The following TTLL5 variants were observed in gnomAD, a reference collection of about 807,000 sequenced individuals.
TTLL5 encodes tubulin polyglutamylase TTLL5.
A neutral mutation model predicts 168.4 loss-of-function variants in TTLL5; 132 were observed. That is an observed-to-expected ratio of 0.78 (90% CI 0.68 to 0.91). TTLL5 has a LOEUF of 0.91. Among genes scored for constraint, TTLL5 ranks in the 40% least tolerant of loss-of-function variants. TTLL5 has a pLI of 0.00. For synonymous variants in TTLL5, 546 were observed against 558.6 expected, an observed-to-expected ratio of 0.98 and a Z score of 0.32; for missense variants, 1,545 against 1,581.5, an observed-to-expected ratio of 0.98 and a Z score of 0.39.
chr14:75,931,663 G>A (rs1355306646), intron 31 of TTLL5, among the ~76,000 whole-genome samples: 1 of 152,068 alleles, frequency 6.6e-6, no homozygotes, highest in Non-Finnish European at 1.5e-5. Flanking sequence ...TGCAAACTCT[G>A]TAAGTGGATT....
intron 9 of TTLL5, among the ~76,000 whole-genome samples, chr14:75,713,019 A>G (rs1594911128): frequency 6.6e-6 from 1 of 152,318 alleles, no homozygotes; most frequent in East Asian, 1.9e-4. Context: ...GTTAGCTTAA[A>G]GGTCAAAGCC....
chr14:75,917,586 C>T (rs901923432), intron 31 of TTLL5, among the ~76,000 whole-genome samples: 1 of 152,210 alleles, frequency 6.6e-6, no homozygotes, highest in Non-Finnish European at 1.5e-5. Context: ...GTCTCTTTAT[C>T]CAGCCATTTA....
At chr14:75,772,556 C>T (rs149657683) in intron 21 of TTLL5, among the ~76,000 whole-genome samples, 115 of 152,184 alleles carry the variant, frequency 7.6e-4, no homozygotes, top group South Asian at 2.5e-3. Context: ...TTTGAACATT[C>T]CTGGGATTCA....
intron 31 of TTLL5, among the ~76,000 whole-genome samples, chr14:75,905,352 TTC>T (rs1220152054): frequency 1.3e-5 from 2 of 152,240 alleles, no homozygotes; most frequent in African/African-American, 2.4e-5. Flanking sequence ...TGTGTGACTG[TTC>T]TCTCGCAGTC....
chr14:75,844,965 A>G (rs1198336733), intron 28 of TTLL5, among the ~76,000 whole-genome samples: 3 of 152,184 alleles, frequency 2.0e-5, no homozygotes, highest in Non-Finnish European at 2.9e-5. Context: ...CACTCCTGCC[A>G]TTTAGCCACA....
intron 27 of TTLL5, among the ~76,000 whole-genome samples, chr14:75,809,892 G>T (rs1893890753): frequency 6.6e-6 from 1 of 151,992 alleles, no homozygotes; most frequent in Non-Finnish European, 1.5e-5. Flanking sequence ...GCAAATGACA[G>T]GATTTCATTC....
intron 27 of TTLL5, among the ~76,000 whole-genome samples, chr14:75,793,453 A>G (rs1390963936): frequency 2.0e-5 from 3 of 152,154 alleles, no homozygotes; most frequent in Non-Finnish European, 2.9e-5. Flanking sequence ...AAATCTTTTT[A>G]CCAGAATTTT....
intron 12 of TTLL5, among the ~76,000 whole-genome samples, chr14:75,722,230 A>T (rs1042080366): frequency 1.3e-5 from 2 of 150,542 alleles, no homozygotes; most frequent in Non-Finnish European, 3.0e-5. Context: ...AGTTCTCCAC[A>T]TTGCCTCCTC....
chr14:75,896,608 T>C (rs2032673441), intron 30 of TTLL5, among the ~76,000 whole-genome samples: 1 of 152,204 alleles, frequency 6.6e-6, no homozygotes, highest in African/African-American at 2.4e-5. Flanking sequence ...TACCCCTGTG[T>C]TGGGGATGTG....
chr14:75,743,108 G>A (rs577032980), intron 15 of TTLL5, among the ~76,000 whole-genome samples: 2 of 152,312 alleles, frequency 1.3e-5, no homozygotes, highest in African/African-American at 2.4e-5. Flanking sequence ...ACAGTGTATT[G>A]TTCTGGATGT....
In TTLL5 at chr14:75,882,725, G is replaced by C; in HGVS notation, c.3563G>C (p.Trp1188Ser). 1 of 1,613,330 alleles carries C rather than the reference G, an allele frequency of 6.2e-7. No individual in the cohort carries two copies. Among genetic ancestry groups the C allele is most frequent in the Non-Finnish European group, 8.5e-7 (1 of 1,179,792 alleles). Reference protein sequence around the residue: ...GSQTLPNSNLWTMNNGAGCRI... With the variant: ...GSQTLPNSNLSTMNNGAGCRI... ...CAGACACTACCTAACTCCAATTTAT[G>C]GACAATGAATAATGGTGCAGGTTGT... is the stretch of plus-strand genomic sequence containing the variant. The change falls in exon 30 of 32, where the codon TGG becomes TCG. Residue 1188 changes from tryptophan (W) to serine (S), a missense_variant. By Grantham distance (177) the Trp-to-Ser change is radical. Coordinates refer to ENST00000298832, the MANE Select transcript of TTLL5 (RefSeq NM_015072.5).
At chr14:75,876,578 G>T (rs915087689) in intron 29 of TTLL5, among the ~76,000 whole-genome samples, 4 of 152,212 alleles carry the variant, frequency 2.6e-5, no homozygotes, top group Non-Finnish European at 5.9e-5. Context: ...AGGTATTTGT[G>T]TGCTTGGTCT....
At chr14:75,880,705 A>G (rs1473400020) in intron 29 of TTLL5, among the ~76,000 whole-genome samples, 1 of 152,202 alleles carries the variant, frequency 6.6e-6, no homozygotes, top group Non-Finnish European at 1.5e-5. Flanking sequence ...TATGGAAACA[A>G]CAGCTGCAAA....
At position 75,708,713 on chromosome 14, in the gene TTLL5, A is replaced by G. The variant is rs189400125; in HGVS notation, c.740+1006A>G. ...TTTTGAAGTTTTGTTTCCTCTAGCC[A>G]CAGAATTTTACAGGTAATTGTTTTT... On this transcript the variant is annotated intron_variant, in intron 9 of 31. Transcript: ENST00000298832. Among the ~76,000 whole-genome samples the G allele has an allele frequency of 3.3e-5, 5 of 152,338 alleles. No homozygotes were observed. The East Asian group carries it at 9.6e-4, about 29-fold the overall frequency.
chr14:75,746,140 A>G (rs887770447), intron 17 of TTLL5, among the ~76,000 whole-genome samples: 1 of 152,196 alleles, frequency 6.6e-6, no homozygotes, highest in Non-Finnish European at 1.5e-5. Flanking sequence ...GTTTTTCTAC[A>G]GTTCCACATA....
At chr14:75,690,626 A>T (rs966862865) in intron 6 of TTLL5, among the ~76,000 whole-genome samples, 4 of 147,014 alleles carry the variant, frequency 2.7e-5, no homozygotes, top group African/African-American at 5.0e-5. Flanking sequence ...TGTAAGTATT[A>T]TTTTTTTTTT....
At chr14:75,939,649 A>G (rs775763469) in intron 31 of TTLL5, among the ~76,000 whole-genome samples, 14 of 152,166 alleles carry the variant, frequency 9.2e-5, no homozygotes, top group African/African-American at 9.6e-5. Flanking sequence ...TCAGCCTCCC[A>G]AAGTGCTGGG....
intron 29 of TTLL5, among the ~76,000 whole-genome samples, chr14:75,871,992 G>A (rs1175328793): frequency 2.6e-5 from 4 of 152,186 alleles, no homozygotes; most frequent in South Asian, 4.1e-4. Context: ...ATACAGACAC[G>A]TTAGGAGAAC....
intron 18 of TTLL5, among the ~76,000 whole-genome samples, chr14:75,761,393 A>T (rs1566592145): frequency 6.6e-6 from 1 of 152,214 alleles, no homozygotes; most frequent in Non-Finnish European, 1.5e-5. Context: ...AACAGCTTGT[A>T]CAAATAGGTT....
Sources: gnomAD v4.1 joint callset for allele counts (sites outside exome capture counted in the v4.1 genomes callset) on GRCh38, gnomAD v4.1.1 for gene constraint, MANE v1.5 for transcripts, NCBI Gene and HGNC (gene_info 2026-07-23, HGNC 2026-07-21) for gene names.